MPPED2: variants seen among roughly 807,000 people sequenced by gnomAD.
MPPED2 encodes the protein metallophosphoesterase MPPED2.
A neutral mutation model predicts 33.0 loss-of-function variants in MPPED2; 5 were observed. That is an observed-to-expected ratio of 0.15 (90% CI 0.08 to 0.32). The LOEUF is 0.32. Among genes scored for constraint, MPPED2 ranks in the 10% least tolerant of loss-of-function variants. MPPED2 has a pLI of 1.00. For synonymous variants in MPPED2, 136 were observed against 141.9 expected, an observed-to-expected ratio of 0.96 and a Z score of 0.29; for missense variants, 275 against 372.1, an observed-to-expected ratio of 0.74 and a Z score of 2.15.
chr11:30,487,991 G>A lies in MPPED2; in HGVS notation c.536+7305C>T, dbSNP rs1194893159. 4.6e-5 allele frequency among the ~76,000 whole-genome samples: 7 copies of A among 152,124 alleles called. No homozygotes were observed. The South Asian group carries it at 8.3e-4, about 18-fold the overall frequency. On this transcript the variant is annotated intron_variant, in intron 4 of 6. Coordinates refer to ENST00000358117, the MANE Select transcript of MPPED2 (RefSeq NM_001584.3). ...CTTCCTGAGTTGCTCAGGCCACGGA[G>A]TAGACAGACATCTAGGATATCCTGG...
At chr11:30,556,388 T>A (rs1955964039) in intron 2 of MPPED2, among the ~76,000 whole-genome samples, 1 of 152,220 alleles carries the variant, frequency 6.6e-6, no homozygotes, top group Admixed American at 6.5e-5. Flanking sequence ...GTCATGCTTC[T>A]CTATAGAATC....
intron 4 of MPPED2, among the ~76,000 whole-genome samples, chr11:30,470,108 T>A (rs1344342372): frequency 1.3e-5 from 2 of 152,208 alleles, no homozygotes; most frequent in African/African-American, 4.8e-5. Flanking sequence ...CACTTTCTTT[T>A]ATGAAAATTT....
At chr11:30,518,483 C>T (rs189881674) in intron 3 of MPPED2, among the ~76,000 whole-genome samples, 14 of 152,090 alleles carry the variant, frequency 9.2e-5, no homozygotes, top group East Asian at 5.8e-4. Flanking sequence ...AAATGTGATA[C>T]GTTTTTAATA....
At chr11:30,495,179 A>G in intron 4 of MPPED2, 117 bp downstream of exon 4, 1 of 714,924 alleles carries the variant, frequency 1.4e-6, no homozygotes, top group East Asian at 2.7e-5. Flanking sequence ...TTGGAAATAC[A>G]GCAATAAGGT....
intron 4 of MPPED2, among the ~76,000 whole-genome samples, chr11:30,460,458 C>A (rs1483780023): frequency 6.6e-6 from 1 of 151,684 alleles, no homozygotes; most frequent in Non-Finnish European, 1.5e-5. Context: ...CCTGTCTCTA[C>A]AAAATTTTTT....
chr11:30,499,642 A>G (rs1022989193), intron 3 of MPPED2, among the ~76,000 whole-genome samples: 3 of 152,124 alleles, frequency 2.0e-5, no homozygotes, highest in African/African-American at 7.2e-5. Flanking sequence ...CAAGAAAACA[A>G]AAACAAACAA....
Position 30,538,974 on chromosome 11 carries a change from T to C in MPPED2, c.129-2799A>G, listed in dbSNP as rs114574337. 2.4e-3 allele frequency among the ~76,000 whole-genome samples: 359 copies of C among 152,256 alleles called. 3 individuals carry two copies. Among genetic ancestry groups the C allele is most frequent in the African/African-American group, 8.1e-3 (337 of 41,552 alleles). On this transcript the variant is annotated intron_variant, in intron 2 of 6. Coordinates refer to ENST00000358117, the MANE Select transcript of MPPED2 (RefSeq NM_001584.3). ...ATGCCAAAGCCACTCTGTGAGATGG[T>C]ACAACAAATATCACCTGGAGCTCAT...
At chr11:30,389,750 C>A (rs923708787) in intron 6 of MPPED2, among the ~76,000 whole-genome samples, 1 of 152,216 alleles carries the variant, frequency 6.6e-6, no homozygotes, top group African/African-American at 2.4e-5. Flanking sequence ...CAAGGAGTCT[C>A]TGAGAGGCTG....
chr11:30,533,752 T>C (rs1954663546), intron 3 of MPPED2, among the ~76,000 whole-genome samples: 1 of 152,158 alleles, frequency 6.6e-6, no homozygotes, highest in Non-Finnish European at 1.5e-5. Context: ...CTGAAACCTC[T>C]TCCTCCTGTC....
At chr11:30,545,589 C>A (rs975484920) in intron 2 of MPPED2, among the ~76,000 whole-genome samples, 2 of 152,050 alleles carry the variant, frequency 1.3e-5, no homozygotes, top group African/African-American at 4.8e-5. Context: ...CATTGAGAAG[C>A]CAGGCACTGT....
intron 6 of MPPED2, chr11:30,389,051 C>A: frequency 7.0e-7 from 1 of 1,429,018 alleles, no homozygotes; most frequent in Non-Finnish European, 9.2e-7. Context: ...TCTTGATTAC[C>A]TTCCCATTCT....
At chr11:30,445,755 G>A (rs1041124593) in intron 4 of MPPED2, among the ~76,000 whole-genome samples, 1 of 152,086 alleles carries the variant, frequency 6.6e-6, no homozygotes, top group African/African-American at 2.4e-5. Flanking sequence ...TGTCTTCAAG[G>A]CTCATCCATG....
intron 4 of MPPED2, among the ~76,000 whole-genome samples, chr11:30,456,540 C>T (rs1950284979): frequency 6.6e-6 from 1 of 151,826 alleles, no homozygotes; most frequent in African/African-American, 2.4e-5. Flanking sequence ...CTCCCCAATC[C>T]TGTGTGTGTG....
intron 1 of MPPED2, chr11:30,584,203 A>G (rs1490560054): frequency 6.6e-6 from 1 of 151,858 alleles, no homozygotes; most frequent in African/African-American, 2.4e-5. Flanking sequence ...TTTTCTCCGG[A>G]GCCTCTGGCA....
At chr11:30,442,455 T>C (rs1340228472) in intron 4 of MPPED2, among the ~76,000 whole-genome samples, 2 of 152,224 alleles carry the variant, frequency 1.3e-5, no homozygotes, top group Non-Finnish European at 1.5e-5. Flanking sequence ...CCTTTCCAGA[T>C]CCAACCATAT....
chr11:30,573,088 T>G (rs1956776007), intron 2 of MPPED2, among the ~76,000 whole-genome samples: 1 of 152,176 alleles, frequency 6.6e-6, no homozygotes, highest in African/African-American at 2.4e-5. Context: ...CTCTTTTAGC[T>G]TCCCCAAATG....
chr11:30,391,731 G>A (rs765875353), intron 6 of MPPED2, among the ~76,000 whole-genome samples: 1 of 152,132 alleles, frequency 6.6e-6, no homozygotes, highest in Non-Finnish European at 1.5e-5. Flanking sequence ...ACTGAAAAGT[G>A]TTGTTTGAAA....
intron 3 of MPPED2, among the ~76,000 whole-genome samples, chr11:30,524,837 A>G (rs1260051720): frequency 6.6e-6 from 1 of 152,150 alleles, no homozygotes; most frequent in Non-Finnish European, 1.5e-5. Context: ...TTTCAGTTTG[A>G]GGTATTATTG....
intron 4 of MPPED2, among the ~76,000 whole-genome samples, chr11:30,422,587 C>T (rs940171798): frequency 1.3e-5 from 2 of 152,234 alleles, no homozygotes; most frequent in East Asian, 1.9e-4. Flanking sequence ...CTGGAAAATA[C>T]GTGCACAGCC....
Sources: allele counts gnomAD v4.1 joint callset (sites outside exome capture counted in the v4.1 genomes callset), GRCh38; gene constraint gnomAD v4.1.1; transcripts MANE v1.5; gene names NCBI Gene and HGNC (gene_info 2026-07-23, HGNC 2026-07-21).